HYCC1: variants seen among roughly 807,000 people sequenced by gnomAD.
HYCC1 encodes the protein hyccin PI4KA lipid kinase complex subunit 1.
chr7:22,977,436 G>A, the HYCC1 span: 1 of 1,376,690 alleles, frequency 7.3e-7, no homozygotes, highest in Non-Finnish European at 1.0e-6. Flanking sequence ...AGAAGTGAAA[G>A]AAAATATATT....
At chr7:22,927,479 G>A in the HYCC1 span, among the ~76,000 whole-genome samples, 5 of 152,106 alleles carry the variant, frequency 3.3e-5, no homozygotes, top group East Asian at 1.9e-4. Flanking sequence ...TCAAATAGAC[G>A]CAATAAAAAA....
chr7:22,954,458 T>C, the HYCC1 span, among the ~76,000 whole-genome samples: 6,024 of 151,352 alleles, frequency 0.04, 181 homozygotes, highest in Non-Finnish European at 0.052. Context: ...AAGCAAATTA[T>C]GAAACAAATC....
At chr7:22,956,499 C>A in the HYCC1 span, among the ~76,000 whole-genome samples, 1 of 151,592 alleles carries the variant, frequency 6.6e-6, no homozygotes, top group African/African-American at 2.4e-5. Flanking sequence ...AAAAGTGGGG[C>A]AAATCAAGCA....
chr7:22,980,495 A>C, the HYCC1 span, among the ~76,000 whole-genome samples: 13 of 152,302 alleles, frequency 8.5e-5, no homozygotes, highest in South Asian at 2.7e-3. Flanking sequence ...TTCATAAGTA[A>C]CAAGTCTGTA....
the HYCC1 span, among the ~76,000 whole-genome samples, chr7:23,004,828 G>C: frequency 3.3e-5 from 5 of 152,094 alleles, no homozygotes; most frequent in Admixed American, 3.3e-4. Context: ...GTTTTTGAGA[G>C]GGAGTCTCAC....
At chr7:22,925,606 A>G in the HYCC1 span, among the ~76,000 whole-genome samples, 1 of 152,198 alleles carries the variant, frequency 6.6e-6, no homozygotes, top group Non-Finnish European at 1.5e-5. Flanking sequence ...AATGAATGAA[A>G]TGAAGCGTGA....
chr7:22,982,782 A>G, the HYCC1 span, among the ~76,000 whole-genome samples: 140 of 152,224 alleles, frequency 9.2e-4, no homozygotes, highest in Admixed American at 2.0e-3. Context: ...TCAGTGCAAA[A>G]AAAGTCTAAA....
the HYCC1 span, among the ~76,000 whole-genome samples, chr7:23,002,163 TA>T: frequency 0.39 from 25,462 of 65,268 alleles, 2,802 homozygotes; most frequent in South Asian, 0.49. Context: ...TATATATATA[TA>T]TATATATATA....
At chr7:22,984,730 C>T in the HYCC1 span, among the ~76,000 whole-genome samples, 4 of 152,074 alleles carry the variant, frequency 2.6e-5, no homozygotes, top group African/African-American at 4.8e-5. Context: ...AAATTAACTC[C>T]GGAGTTACAT....
At chr7:22,975,014 A>G in the HYCC1 span, among the ~76,000 whole-genome samples, 3 of 152,188 alleles carry the variant, frequency 2.0e-5, 1 homozygote, top group African/African-American at 7.2e-5. Context: ...TGAGTCCACT[A>G]AACATCTTTT....
chr7:22,929,042 C>G, the HYCC1 span, among the ~76,000 whole-genome samples: 1 of 152,136 alleles, frequency 6.6e-6, no homozygotes, highest in Non-Finnish European at 1.5e-5. Flanking sequence ...TGCCACATAT[C>G]TACAACTACC....
At chr7:23,013,849 C>T in the HYCC1 span, 2 of 444,046 alleles carry the variant, frequency 4.5e-6, no homozygotes, top group African/African-American at 2.0e-5. Context: ...CTCGCCCCGG[C>T]TCCTCCCTGA....
At chr7:23,008,199 C>G in the HYCC1 span, among the ~76,000 whole-genome samples, 2 of 151,978 alleles carry the variant, frequency 1.3e-5, no homozygotes, top group Non-Finnish European at 2.9e-5. Context: ...ATAAAATGAC[C>G]AGTTAGAAAA....
At chr7:23,009,244 G>C in the HYCC1 span, among the ~76,000 whole-genome samples, 1 of 151,964 alleles carries the variant, frequency 6.6e-6, no homozygotes, top group East Asian at 1.9e-4. Flanking sequence ...ATGCTTTCCT[G>C]AATTTTTCAA....
At chr7:23,002,166 A>ATATACAAT in the HYCC1 span, among the ~76,000 whole-genome samples, 2 of 81,154 alleles carry the variant, frequency 2.5e-5, no homozygotes, top group African/African-American at 5.0e-5. Context: ...ATATATATAT[A>ATATACAAT]TATATATATA....
the HYCC1 span, among the ~76,000 whole-genome samples, chr7:22,988,305 G>A: frequency 1.3e-5 from 2 of 152,130 alleles, no homozygotes; most frequent in African/African-American, 4.8e-5. Context: ...GGGTTGGGCA[G>A]GAGAAACTAC....
chr7:22,921,113 C>T, the HYCC1 span, among the ~76,000 whole-genome samples: 6 of 152,194 alleles, frequency 3.9e-5, no homozygotes, highest in Non-Finnish European at 7.3e-5. Flanking sequence ...TTAAAATTAA[C>T]CAGCCTCAGG....
At chr7:23,004,152 G>C in the HYCC1 span, among the ~76,000 whole-genome samples, 1 of 152,188 alleles carries the variant, frequency 6.6e-6, no homozygotes, top group Non-Finnish European at 1.5e-5. Context: ...CCTAGACGTT[G>C]TTTTGTAGCT....
At chr7:23,002,546 C>A in the HYCC1 span, among the ~76,000 whole-genome samples, 15 of 152,180 alleles carry the variant, frequency 9.9e-5, no homozygotes, top group East Asian at 2.9e-3. Context: ...AGTTGCTTGC[C>A]ATTGGCTGTA....
Sources: gnomAD v4.1 joint callset for allele counts (sites outside exome capture counted in the v4.1 genomes callset) on GRCh38, gnomAD v4.1.1 for gene constraint, MANE v1.5 for transcripts, NCBI Gene and HGNC (gene_info 2026-07-23, HGNC 2026-07-21) for gene names.